The following TBCK variants were observed in gnomAD, a reference collection of about 807,000 sequenced individuals.
TBCK encodes the protein TBC1 domain containing kinase.
Under a neutral mutation model 113.4 loss-of-function variants are expected in TBCK, and 99 were observed. The ratio of observed to expected loss-of-function variants is 0.87; its 90% confidence interval spans 0.74 to 1.03. TBCK has a LOEUF of 1.03. Ranked by LOEUF, TBCK falls within the 50% of genes least tolerant of loss-of-function variation. The probability of loss-of-function intolerance (pLI) is 0.00; values close to 1 mark genes in which losing one functional copy is unlikely to be tolerated. For synonymous variants in TBCK, 369 were observed against 370.8 expected (o/e 1.00, Z 0.05); for missense variants, 1,045 against 1,061.3 (o/e 0.98, Z 0.21).
chr4:106,127,206 C>CAA (rs35461999), intron 23 of TBCK, among the ~76,000 whole-genome samples: 2,380 of 64,918 alleles, frequency 0.037, 106 homozygotes, highest in African/African-American at 0.082. Context: ...GACTCCGTCT[C>CAA]AAAAAAAAAA....
At chr4:106,238,924 C>T (rs1759769945) in intron 12 of TBCK, among the ~76,000 whole-genome samples, 1 of 152,124 alleles carries the variant, frequency 6.6e-6, no homozygotes, top group African/African-American at 2.4e-5. Flanking sequence ...TCTGGAGGCC[C>T]TGCCTTAGGG....
intron 3 of TBCK, among the ~76,000 whole-genome samples, chr4:106,277,601 C>A (rs1236194414): frequency 2.0e-5 from 3 of 152,078 alleles, no homozygotes; most frequent in Non-Finnish European, 4.4e-5. Flanking sequence ...ACAGTATATA[C>A]TGAATGACTC....
chr4:106,087,290 T>C (rs895731804), intron 25 of TBCK, among the ~76,000 whole-genome samples: 1 of 151,898 alleles, frequency 6.6e-6, no homozygotes, highest in African/African-American at 2.4e-5. Flanking sequence ...ACACCAACAA[T>C]AGGCAGGCAG....
intron 23 of TBCK, among the ~76,000 whole-genome samples, chr4:106,131,708 G>T (rs1021949877): frequency 6.6e-6 from 1 of 152,206 alleles, no homozygotes; most frequent in Admixed American, 6.5e-5. Context: ...GTTTGGAACT[G>T]AGTAACAGAC....
intron 3 of TBCK, among the ~76,000 whole-genome samples, chr4:106,280,598 A>G (rs1250201097): frequency 6.6e-6 from 1 of 152,020 alleles, no homozygotes; most frequent in Non-Finnish European, 1.5e-5. Context: ...TTTTGATTTG[A>G]ATTTTTGTTT....
At chr4:106,093,003 T>C (rs1740483546) in intron 25 of TBCK, among the ~76,000 whole-genome samples, 1 of 152,184 alleles carries the variant, frequency 6.6e-6, no homozygotes, top group African/African-American at 2.4e-5. Context: ...AACATGAGAT[T>C]TGGAGGGGAC....
intron 25 of TBCK, among the ~76,000 whole-genome samples, chr4:106,088,875 C>T (rs1413687642): frequency 1.3e-5 from 2 of 152,060 alleles, no homozygotes; most frequent in Non-Finnish European, 2.9e-5. Flanking sequence ...GCGAGTTGAA[C>T]ATTGAGAACA....
At chr4:106,154,953 GTT>G (rs377755770) in intron 23 of TBCK, among the ~76,000 whole-genome samples, 2 of 146,006 alleles carry the variant, frequency 1.4e-5, no homozygotes, top group Non-Finnish European at 3.0e-5. Context: ...TTACTAGTGA[GTT>G]TTTTTTTTTA....
At chr4:106,133,100 T>A (rs1378758152) in intron 23 of TBCK, among the ~76,000 whole-genome samples, 1 of 152,180 alleles carries the variant, frequency 6.6e-6, no homozygotes, top group Non-Finnish European at 1.5e-5. Context: ...TGTGAGGACA[T>A]GAGATTTGGG....
Position 106,231,827 on chromosome 4 carries a change from T to C in TBCK, c.1640-48A>G, listed in dbSNP as rs779650482. ...AAGAAGTCAAATAAATATAATCTAG[T>C]AGAATTGAAGATATATACCTTATTC... On this transcript the variant is annotated intron_variant, in intron 17 of 25. Coordinates refer to ENST00000394708, the MANE Select transcript of TBCK (RefSeq NM_001163435.3). The C allele has an allele frequency of 2.0e-6, 3 of 1,523,082 alleles. No homozygotes were observed. The South Asian group carries it at 3.4e-5, about 18-fold the overall frequency. The allele number at this position is 1,523,082 out of a possible 1,614,324, so 94.3% of individuals were successfully genotyped here. A position where few individuals can be genotyped will look rare whatever the true frequency, so the allele number is the denominator to read the frequency against.
chr4:106,298,495 C>T (rs1275090381), intron 2 of TBCK, among the ~76,000 whole-genome samples: 1 of 151,636 alleles, frequency 6.6e-6, no homozygotes, highest in Non-Finnish European at 1.5e-5. Flanking sequence ...CCTGTAGTCC[C>T]AGCTACTCGA....
chr4:106,094,831 T>C (rs1212518299), intron 25 of TBCK, among the ~76,000 whole-genome samples: 1 of 152,254 alleles, frequency 6.6e-6, no homozygotes, highest in Non-Finnish European at 1.5e-5. Flanking sequence ...AGAAAGATCC[T>C]GTACTCGTTC....
chr4:106,133,414 T>C (rs577064399), intron 23 of TBCK, among the ~76,000 whole-genome samples: 5 of 152,318 alleles, frequency 3.3e-5, no homozygotes, highest in Admixed American at 3.3e-4. Context: ...CTTTCCTTTA[T>C]AAATTACTCA....
At chr4:106,110,959 A>G (rs1474669061) in intron 24 of TBCK, among the ~76,000 whole-genome samples, 1 of 151,478 alleles carries the variant, frequency 6.6e-6, no homozygotes, top group East Asian at 1.9e-4. Flanking sequence ...AAGATCAACA[A>G]GGCAATCATT....
intron 8 of TBCK, 46 bp downstream of exon 8, chr4:106,248,875 T>C (rs1452428751): frequency 2.0e-6 from 3 of 1,465,784 alleles, no homozygotes; most frequent in Non-Finnish European, 2.8e-6. Flanking sequence ...ATCAGGTATT[T>C]TGTTATAGCA....
chr4:106,259,707 G>T (rs56231393), intron 5 of TBCK, among the ~76,000 whole-genome samples: 24,212 of 151,850 alleles, frequency 0.16, 1,951 homozygotes, highest in South Asian at 0.25. Flanking sequence ...ATGAAGGGTA[G>T]AGAGGAATTC....
intron 25 of TBCK, among the ~76,000 whole-genome samples, chr4:106,052,893 GT>G (rs1480853696): frequency 1.3e-5 from 2 of 151,520 alleles, no homozygotes; most frequent in African/African-American, 2.4e-5. Context: ...CCTTTGTACT[GT>G]TTTGATGCAA....
At chr4:106,166,117 T>C (rs1489589700) in intron 23 of TBCK, among the ~76,000 whole-genome samples, 2 of 151,738 alleles carry the variant, frequency 1.3e-5, no homozygotes, top group Non-Finnish European at 3.0e-5. Flanking sequence ...ATAAATATTC[T>C]TTTTACAGCA....
At chr4:106,162,051 T>C (rs1243331051) in intron 23 of TBCK, among the ~76,000 whole-genome samples, 1 of 152,116 alleles carries the variant, frequency 6.6e-6, no homozygotes, top group Non-Finnish European at 1.5e-5. Context: ...CCTACGAGAC[T>C]GTAAAATCAA....
Sources: gnomAD v4.1 joint callset for allele counts (sites outside exome capture counted in the v4.1 genomes callset) on GRCh38, gnomAD v4.1.1 for gene constraint, MANE v1.5 for transcripts, NCBI Gene and HGNC (gene_info 2026-07-23, HGNC 2026-07-21) for gene names.